Variants in NCOA2 observed in about 807,000 individuals in gnomAD.
NCOA2 encodes class E basic helix-loop-helix protein 75.
Under a neutral mutation model 145.1 loss-of-function variants are expected in NCOA2, and 21 were observed. The observed-to-expected ratio is 0.14, with a 90% CI of 0.10 to 0.21. The LOEUF (loss-of-function observed/expected upper bound fraction) is 0.21. NCOA2 is among the 10% of genes least tolerant of loss of function. The probability of loss-of-function intolerance (pLI) is 1.00; values close to 1 mark genes in which losing one functional copy is unlikely to be tolerated. For synonymous variants in NCOA2, 619 were observed against 637.5 expected (o/e 0.97, Z 0.44); for missense variants, 1,472 against 1,837.6 (o/e 0.80, Z 3.64).
At chr8:70,135,876 AG>A (rs1809667098) in intron 15 of NCOA2, among the ~76,000 whole-genome samples, 3 of 152,184 alleles carry the variant, frequency 2.0e-5, no homozygotes, top group Admixed American at 2.0e-4. Flanking sequence ...ATGGACTAGT[AG>A]GTCATTAAGT....
intron 1 of NCOA2, among the ~76,000 whole-genome samples, chr8:70,366,623 C>T (rs1810716231): frequency 6.6e-6 from 1 of 151,342 alleles, no homozygotes; most frequent in Middle Eastern, 3.2e-3. Context: ...ACTACTTTGG[C>T]TTTTTCCCTA....
intron 1 of NCOA2, among the ~76,000 whole-genome samples, chr8:70,345,370 A>G (rs1206407632): frequency 6.6e-6 from 1 of 152,208 alleles, no homozygotes; most frequent in Non-Finnish European, 1.5e-5. Context: ...ATTTTTTCCC[A>G]CAGGATTAAC....
the NCOA2 span, among the ~76,000 whole-genome samples, chr8:70,445,592 A>G: frequency 1.3e-5 from 2 of 152,064 alleles, no homozygotes; most frequent in Non-Finnish European, 2.9e-5. Context: ...GTGTTGCCCC[A>G]AGACCCCCCA....
intron 22 of NCOA2, among the ~76,000 whole-genome samples, chr8:70,115,913 G>A (rs983443010): frequency 5.9e-5 from 9 of 152,088 alleles, no homozygotes; most frequent in Admixed American, 3.3e-4. Context: ...AGGGCCAGGC[G>A]CAGTGGCTCA....
chr8:70,230,105 T>C (rs945509853), intron 2 of NCOA2, among the ~76,000 whole-genome samples: 3 of 152,194 alleles, frequency 2.0e-5, no homozygotes, highest in Non-Finnish European at 4.4e-5. Context: ...ATGAAAACTT[T>C]TGAGCTGAAG....
rs139264782 is a variant in NCOA2, at chr8:70,314,004, A to G, written c.-76-17204T>C. 6.0e-4 allele frequency among the ~76,000 whole-genome samples: 91 copies of G among 151,474 alleles called. No homozygotes were observed. The East Asian group carries it at 0.013, about 22-fold the overall frequency. On this transcript the variant is annotated intron_variant, in intron 1 of 22. Coordinates refer to ENST00000452400, the MANE Select transcript of NCOA2 (RefSeq NM_006540.4). ...GCTACGGTGAAACCCCATCCCTACT[A>G]AAAAATATATATATATATACAAAAA... is the stretch of plus-strand genomic sequence containing the variant.
intron 4 of NCOA2, among the ~76,000 whole-genome samples, chr8:70,181,117 C>A (rs1161014279): frequency 6.6e-6 from 1 of 152,186 alleles, no homozygotes; most frequent in Non-Finnish European, 1.5e-5. Context: ...ACTGAGATTA[C>A]AAATTCAGAG....
At chr8:70,151,801 G>A (rs1190444996) in intron 11 of NCOA2, among the ~76,000 whole-genome samples, 3 of 152,056 alleles carry the variant, frequency 2.0e-5, no homozygotes, top group Non-Finnish European at 2.9e-5. Flanking sequence ...ATTAATTGTC[G>A]TAAGTTCACT....
chr8:70,200,562 G>C (rs1817777396), intron 4 of NCOA2, among the ~76,000 whole-genome samples: 1 of 152,132 alleles, frequency 6.6e-6, no homozygotes, highest in South Asian at 2.1e-4. Context: ...GTGTAATTCT[G>C]ACTCGCCACT....
At chr8:70,416,187 G>GT in the NCOA2 span, among the ~76,000 whole-genome samples, 4,227 of 136,518 alleles carry the variant, frequency 0.031, 85 homozygotes, top group African/African-American at 0.036. Flanking sequence ...GGGGACCTCA[G>GT]TTTTTTTGTT....
rs752663152 is a variant in NCOA2 at position 70,128,910 on chromosome 8, A to G, written c.3395T>C (p.Val1132Ala). The G allele has an allele frequency of 4.3e-6, 7 of 1,613,150 alleles. No individual in the cohort carries two copies. The East Asian group carries it at 1.6e-4, about 36-fold the overall frequency. Residue 1132 changes from valine (V) to alanine (A), a missense_variant, in exon 17 of 23, where the codon GTT becomes GCT. By Grantham distance (64) the Val-to-Ala change is moderately conservative. Transcript: ENST00000452400. ...CTGAGATGCATACTGCTGTGGGAAAACGGGCGCCTTCTGCTCCAGCATGAT... is the reference window on the plus strand; with the variant it reads ...CTGAGATGCATACTGCTGTGGGAAAGCGGGCGCCTTCTGCTCCAGCATGAT... ...SNIMLEQKAP[V>A]FPQQYASQAQ...
chr8:70,185,999 A>T (rs1437753125), intron 4 of NCOA2, among the ~76,000 whole-genome samples: 1 of 152,118 alleles, frequency 6.6e-6, no homozygotes, highest in Non-Finnish European at 1.5e-5. Flanking sequence ...AACCTATTAG[A>T]AACTACGTAT....
chr8:70,332,900 A>G (rs888183628), intron 1 of NCOA2, among the ~76,000 whole-genome samples: 1 of 152,190 alleles, frequency 6.6e-6, no homozygotes, highest in African/African-American at 2.4e-5. Flanking sequence ...AATTATTTTT[A>G]TTCATGGAGT....
At chr8:70,318,203 A>G (rs944265722) in intron 1 of NCOA2, among the ~76,000 whole-genome samples, 3 of 152,182 alleles carry the variant, frequency 2.0e-5, no homozygotes, top group Admixed American at 2.0e-4. Flanking sequence ...AATGTGCCCC[A>G]CCTGGAACTC....
chr8:70,219,345 C>G (rs1819929760), intron 2 of NCOA2, among the ~76,000 whole-genome samples: 1 of 152,214 alleles, frequency 6.6e-6, no homozygotes, highest in Non-Finnish European at 1.5e-5. Context: ...CACATTTCCT[C>G]AAAATCTGCA....
At chr8:70,446,493 C>G in the NCOA2 span, among the ~76,000 whole-genome samples, 1 of 152,174 alleles carries the variant, frequency 6.6e-6, no homozygotes, top group Non-Finnish European at 1.5e-5. Flanking sequence ...GACTGTGGCA[C>G]TTACTGTATA....
chr8:70,440,547 T>G, the NCOA2 span, among the ~76,000 whole-genome samples: 1 of 150,254 alleles, frequency 6.7e-6, no homozygotes, highest in Middle Eastern at 3.4e-3. Flanking sequence ...CACTTCAGCC[T>G]GGGTGGCAGA....
At chr8:70,304,536 G>A (rs550640723) in intron 1 of NCOA2, among the ~76,000 whole-genome samples, 4 of 151,306 alleles carry the variant, frequency 2.6e-5, no homozygotes, top group Non-Finnish European at 5.9e-5. Flanking sequence ...GCATGACCTC[G>A]GCTCACTGCA....
At chr8:70,367,121 T>C (rs1180226585) in intron 1 of NCOA2, among the ~76,000 whole-genome samples, 1 of 152,160 alleles carries the variant, frequency 6.6e-6, no homozygotes, top group Non-Finnish European at 1.5e-5. Context: ...CTACCAGGCC[T>C]TGGGGGAGGA....
Sources: allele counts gnomAD v4.1 joint callset (sites outside exome capture counted in the v4.1 genomes callset), GRCh38; gene constraint gnomAD v4.1.1; transcripts MANE v1.5; gene names NCBI Gene and HGNC (gene_info 2026-07-23, HGNC 2026-07-21).